Variants in EXD3 observed in about 807,000 individuals in gnomAD.
EXD3 encodes the protein exonuclease mut-7 homolog.
Under a neutral mutation model 98.0 loss-of-function variants are expected in EXD3, and 92 were observed. That is an observed-to-expected ratio of 0.94 (90% CI 0.79 to 1.12). EXD3 has a LOEUF of 1.12. Ranked by LOEUF, EXD3 falls within the 50% of genes most tolerant of loss-of-function variation. The probability of loss-of-function intolerance (pLI) is 0.00; values close to 1 mark genes in which losing one functional copy is unlikely to be tolerated. For synonymous variants in EXD3, 569 were observed against 526.0 expected (o/e 1.08, Z -1.12); for missense variants, 1,222 against 1,191.6 (o/e 1.03, Z -0.38).
chr9:137,362,801 T>C (rs1288223593), intron 7 of EXD3, among the ~76,000 whole-genome samples: 5 of 152,070 alleles, frequency 3.3e-5, no homozygotes, highest in African/African-American at 1.2e-4. Flanking sequence ...TCTCAGTCTT[T>C]GTTGTTGTTG....
intron 10 of EXD3, 38 bp from the exon 11 acceptor site, chr9:137,352,824 A>G (rs770170740): frequency 6.4e-7 from 1 of 1,559,662 alleles, no homozygotes; most frequent in East Asian, 2.4e-5. Context: ...AGATGGGGAC[A>G]TTGCTGTGCC....
chr9:137,387,222 C>T lies in EXD3; in HGVS notation c.56-3845G>A, dbSNP rs113387210. On this transcript the variant is annotated intron_variant, in intron 2 of 21. Transcript: ENST00000340951. ...CCCTGTCGCTTCACTGTGGCCTCAA[C>T]GCTGAGCCCCAGGGCAGTGACCGCC... 2.1e-3 allele frequency among the ~76,000 whole-genome samples: 326 copies of T among 152,342 alleles called. 2 individuals are homozygous for T. Among genetic ancestry groups the T allele is most frequent in the African/African-American group, 7.5e-3 (313 of 41,568 alleles).
At chr9:137,365,930 G>A (rs1013453185) in intron 7 of EXD3, 7 of 422,780 alleles carry the variant, frequency 1.7e-5, no homozygotes, top group South Asian at 1.3e-4. Flanking sequence ...CACACCTACA[G>A]GCACACACAA....
rs756064699 is a variant in EXD3, at chr9:137,312,987, A to G, written c.2185-3287T>C. 4.5e-4 allele frequency among the ~76,000 whole-genome samples: 69 copies of G among 152,166 alleles called. 2 individuals carry two copies. The highest frequency in any genetic ancestry group is 2.8e-4 in the Non-Finnish European group (19 of 68,016). On this transcript the variant is annotated intron_variant, in intron 19 of 21. Coordinates refer to ENST00000340951, the MANE Select transcript of EXD3 (RefSeq NM_017820.5). ...TGCAGGCCTGCAGGTGTGCCAGCCT[A>G]TGCATCCCAAGCAATAGGTGGCTGG... is the stretch of plus-strand genomic sequence containing the variant.
intron 3 of EXD3, among the ~76,000 whole-genome samples, chr9:137,382,024 G>A (rs1391800929): frequency 6.8e-6 from 1 of 147,888 alleles, no homozygotes; most frequent in African/African-American, 2.6e-5. Flanking sequence ...GACGCGGGGA[G>A]GAGGTGAGGG....
intron 19 of EXD3, among the ~76,000 whole-genome samples, chr9:137,321,534 T>C (rs1474883995): frequency 6.6e-6 from 1 of 152,078 alleles, no homozygotes; most frequent in Non-Finnish European, 1.5e-5. Flanking sequence ...AATACAAAAA[T>C]TAGCCGCCCG....
chr9:137,379,298 G>A (rs28709968), intron 3 of EXD3, among the ~76,000 whole-genome samples: 38 of 70,620 alleles, frequency 5.4e-4, no homozygotes, highest in Admixed American at 2.5e-3. Flanking sequence ...GACGGTGACC[G>A]TTGCCTGGGG....
At chr9:137,406,596 C>T (rs1296822124) in intron 1 of EXD3, among the ~76,000 whole-genome samples, 1 of 152,230 alleles carries the variant, frequency 6.6e-6, no homozygotes, top group African/African-American at 2.4e-5. Flanking sequence ...CAACGCACCC[C>T]TCGACCCCCA....
chr9:137,353,752 G>A, intron 10 of EXD3: 1 of 985,636 alleles, frequency 1.0e-6, no homozygotes, highest in Non-Finnish European at 1.2e-6. Flanking sequence ...GGCCTTGAGT[G>A]TCAGGCGGGA....
chr9:137,395,199 C>T lies in EXD3; in HGVS notation c.55+104G>A. 3 of 1,084,304 alleles carry T rather than the reference C, an allele frequency of 2.8e-6. No individual in the cohort carries two copies. The highest frequency in any genetic ancestry group is 1.8e-5 in the Admixed American group (1 of 56,936). The allele number at this position is 1,084,304 out of a possible 1,614,324, so 67.2% of individuals were successfully genotyped here. On this transcript the variant is annotated intron_variant, in intron 2 of 21. Coordinates refer to ENST00000340951, the MANE Select transcript of EXD3 (RefSeq NM_017820.5). This position sits in a 1 kb window ranked among gnomAD's most constrained non-coding sequence, Gnocchi z 6.5. The stretch of plus-strand genomic sequence containing the variant: ...CCGCAGCTAGGGGCCAGCAGCCTGG[C>T]CCTCGTCACTGAGTACACAGTGGGC...
rs1027445544 is a variant in EXD3 at position 137,356,269 on chromosome 9, T to C, written c.756A>G (p.Pro252=). ...CAGGAATGTGGGGGCTGGACTCACC[T>C]GGGGCTACGCCGTACCGCTCCTGCA... is the stretch of plus-strand genomic sequence containing the variant. ...LRLQERYGVA[P]ALCPNAAIQQ... is the part of the protein sequence containing the mutation. Residue 252 remains proline, a splice_region_variant and synonymous_variant, in exon 8 of 22, where the codon CCA becomes CCG. Transcript: ENST00000340951. 1.3e-6 allele frequency: 2 copies of C among 1,596,312 alleles called. No individual in the cohort carries two copies. Among genetic ancestry groups the C allele is most frequent in the Admixed American group, 1.7e-5 (1 of 57,832 alleles).
intron 2 of EXD3, among the ~76,000 whole-genome samples, chr9:137,386,956 T>TCCCTCAGCACCCCTGCTCCCTGCCTGGCC (rs1836626215): frequency 3.1e-5 from 1 of 32,456 alleles, no homozygotes; most frequent in Non-Finnish European, 5.9e-5. Flanking sequence ...CCTGCCTGCC[T>TCCCTCAGCACCCCTGCTCCCTGCCTGGCC]CCCTCAGCAC....
chr9:137,393,241 C>T lies in EXD3; in HGVS notation c.55+2062G>A. ...CTGTAGAAGCCTGTGGGTGCCTGTG[C>T]AGGGAGAGTCAGCTCTGTGCTGAGG... is the stretch of plus-strand genomic sequence containing the variant. On this transcript the variant is annotated intron_variant, in intron 2 of 21. Coordinates refer to ENST00000340951, the MANE Select transcript of EXD3 (RefSeq NM_017820.5). This position sits in a 1 kb window ranked among gnomAD's most constrained non-coding sequence, Gnocchi z 4.6. 3 of 702,530 alleles carry T rather than the reference C, an allele frequency of 4.3e-6. No homozygotes were observed. Among genetic ancestry groups the T allele is most frequent in the Non-Finnish European group, 2.6e-6 (1 of 384,858 alleles). 43.5% of individuals were successfully genotyped at this position (702,530 alleles called of 1,614,324 possible). A position where few individuals can be genotyped will look rare whatever the true frequency, so the allele number is the denominator to read the frequency against.
rs1165216245 is a variant in EXD3 at position 137,395,439 on chromosome 9, C to T, written c.-47-35G>A. The T allele has an allele frequency of 8.1e-6, 13 of 1,596,258 alleles. No homozygotes were observed. Among genetic ancestry groups the T allele is most frequent in the Non-Finnish European group, 1.1e-5 (13 of 1,167,168 alleles). On this transcript the variant is annotated intron_variant, in intron 1 of 21. Coordinates refer to ENST00000340951, the MANE Select transcript of EXD3 (RefSeq NM_017820.5). The surrounding 1 kb of genome is among the most constrained non-coding windows in gnomAD (Gnocchi z 6.5). Reference sequence around the variant, plus strand: ...CAGACAATCAGGTGAATGCAGAGCCCACTGCAACAGGCAGCCATGCAGAGC... The same window carrying T: ...CAGACAATCAGGTGAATGCAGAGCCTACTGCAACAGGCAGCCATGCAGAGC...
At position 137,352,334 on chromosome 9, in the gene EXD3, C is replaced by T. The variant is rs1834349724; in HGVS notation, c.1038-133G>A. ...GTCCTGGCTCCTCCTCCCACACCGG[C>T]TCAGTCCAGCCCAGCGTGACCCTTG... On this transcript the variant is annotated intron_variant, in intron 11 of 21. Coordinates refer to ENST00000340951, the MANE Select transcript of EXD3 (RefSeq NM_017820.5). The T allele has an allele frequency of 1.5e-5, 20 of 1,293,308 alleles. 1 individual carries two copies. In the South Asian group the frequency reaches 2.6e-4, roughly 17 times the overall value. The allele number at this position is 1,293,308 out of a possible 1,614,324, so 80.1% of individuals were successfully genotyped here. A position where few individuals can be genotyped will look rare whatever the true frequency, so the allele number is the denominator to read the frequency against.
intron 17 of EXD3, among the ~76,000 whole-genome samples, chr9:137,337,638 G>A (rs955563986): frequency 2.6e-5 from 4 of 151,400 alleles, no homozygotes; most frequent in South Asian, 2.1e-4. Flanking sequence ...GCGACAGAGC[G>A]AGATTTCTTC....
chr9:137,330,544 A>ACACAGGGCTC (rs1833002894), intron 17 of EXD3, among the ~76,000 whole-genome samples: 47 of 145,226 alleles, frequency 3.2e-4, no homozygotes, highest in Admixed American at 5.4e-4. Context: ...TACAGGAGCT[A>ACACAGGGCTC]CACAGGAGCT....
In EXD3 at chr9:137,309,618, G is replaced by A. The variant is rs1442313488; in HGVS notation, c.2267C>T (p.Pro756Leu). 1 of 1,559,610 alleles carries A rather than the reference G, an allele frequency of 6.4e-7. No individual in the cohort carries two copies. Among genetic ancestry groups the A allele is most frequent in the African/African-American group, 1.4e-5 (1 of 73,548 alleles). ...CCTGACACACTCACCTGAGCTCCTGGGCCCCTCCTGGTGACTGCTGAGCCA... is the reference window on the plus strand; with the variant it reads ...CCTGACACACTCACCTGAGCTCCTGAGCCCCTCCTGGTGACTGCTGAGCCA... ...LMWLSSHQEG[P>L]RSSGDEATQS... Residue 756 changes from proline (P) to leucine (L), a missense_variant, in exon 20 of 22, where the codon CCC (proline) becomes CTC (leucine). By Grantham distance (98) the Pro-to-Leu change is moderately conservative. Transcript: ENST00000340951.
intron 1 of EXD3, among the ~76,000 whole-genome samples, chr9:137,408,262 G>T (rs529764273): frequency 2.6e-5 from 4 of 152,060 alleles, no homozygotes; most frequent in East Asian, 1.9e-4. Context: ...GCTTTGGGGT[G>T]GGGGGGCCGG....
Sources: allele counts gnomAD v4.1 joint callset (sites outside exome capture counted in the v4.1 genomes callset), GRCh38; gene constraint gnomAD v4.1.1; non-coding constraint Gnocchi (gnomAD v3.1); transcripts MANE v1.5; gene names NCBI Gene and HGNC (gene_info 2026-07-23, HGNC 2026-07-21).